The following MAP2 variants were observed in gnomAD, a reference collection of about 807,000 sequenced individuals.
MAP2 encodes the protein microtubule associated protein 2, also known as microtubule-associated protein 2.
A neutral mutation model predicts 137.6 loss-of-function variants in MAP2; 14 were observed. That is an observed-to-expected ratio of 0.10 (90% CI 0.07 to 0.16). The LOEUF is 0.16. Ranked by LOEUF, MAP2 falls within the 10% of genes least tolerant of loss-of-function variation. The pLI is 1.00. For synonymous variants in MAP2, 786 were observed against 782.3 expected, an observed-to-expected ratio of 1.00 and a Z score of -0.08; for missense variants, 2,088 against 2,191.5, an observed-to-expected ratio of 0.95 and a Z score of 0.94.
At chr2:209,670,674 A>G (rs1300865516) in intron 5 of MAP2, among the ~76,000 whole-genome samples, 1 of 150,286 alleles carries the variant, frequency 6.7e-6, no homozygotes, top group African/African-American at 2.5e-5. Flanking sequence ...AGGTAGAGGA[A>G]AAAAAAGAGC....
At chr2:209,700,218 C>T (rs1301500049) in intron 10 of MAP2, 59 bp from the exon 11 acceptor site, 4 of 1,400,436 alleles carry the variant, frequency 2.9e-6, no homozygotes, top group African/African-American at 2.8e-5. Flanking sequence ...GTATTTAAAA[C>T]TGCATTTATG....
chr2:209,650,261 T>C (rs2094696595), intron 4 of MAP2, among the ~76,000 whole-genome samples: 1 of 152,206 alleles, frequency 6.6e-6, no homozygotes, highest in Non-Finnish European at 1.5e-5. Flanking sequence ...GGGATGTTAA[T>C]AAATACGGTG....
At chr2:209,456,330 C>T (rs1701530869) in intron 1 of MAP2, among the ~76,000 whole-genome samples, 1 of 152,090 alleles carries the variant, frequency 6.6e-6, no homozygotes, top group Non-Finnish European at 1.5e-5. Flanking sequence ...TGTTCTAAAC[C>T]TTCATTTTAC....
At chr2:209,707,066 C>T (rs1214259199) in intron 12 of MAP2, among the ~76,000 whole-genome samples, 1 of 152,044 alleles carries the variant, frequency 6.6e-6, no homozygotes, top group Non-Finnish European at 1.5e-5. Context: ...TAATTAATAA[C>T]CCCAAGGATG....
intron 2 of MAP2, among the ~76,000 whole-genome samples, chr2:209,523,194 A>C (rs2063528608): frequency 6.6e-6 from 1 of 151,894 alleles, no homozygotes. Context: ...CTCACTGTGC[A>C]CTCCCATAAC....
chr2:209,450,828 C>G (rs1173696469), intron 1 of MAP2, among the ~76,000 whole-genome samples: 1 of 151,944 alleles, frequency 6.6e-6, no homozygotes, highest in African/African-American at 2.4e-5. Context: ...CTCAGTGTAG[C>G]TTATTAAAAT....
chr2:209,556,339 C>T (rs566620455), intron 2 of MAP2, among the ~76,000 whole-genome samples: 1 of 152,212 alleles, frequency 6.6e-6, no homozygotes, highest in East Asian at 1.9e-4. Context: ...CCACTGCATC[C>T]CGCCCCAGGC....
At chr2:209,585,240 G>T (rs2077407088) in intron 3 of MAP2, among the ~76,000 whole-genome samples, 1 of 150,540 alleles carries the variant, frequency 6.6e-6, no homozygotes. Context: ...AAGAATTAAA[G>T]TTGAATGAAG....
chr2:209,488,047 A>G (rs1027176911), intron 1 of MAP2, among the ~76,000 whole-genome samples: 1 of 152,210 alleles, frequency 6.6e-6, no homozygotes, highest in Non-Finnish European at 1.5e-5. Flanking sequence ...CAGAGAGACC[A>G]GCGCAGAAGG....
intron 3 of MAP2, among the ~76,000 whole-genome samples, chr2:209,586,713 G>A (rs2153420127): frequency 6.6e-6 from 1 of 152,270 alleles, no homozygotes; most frequent in Admixed American, 6.5e-5. Flanking sequence ...CTCAGAGTCA[G>A]TAGGTCTAAA....
At chr2:209,614,730 A>G (rs1407832927) in intron 3 of MAP2, among the ~76,000 whole-genome samples, 1 of 152,174 alleles carries the variant, frequency 6.6e-6, no homozygotes, top group Non-Finnish European at 1.5e-5. Flanking sequence ...TTTGGGGAGG[A>G]AGAAAAGATA....
Position 209,463,003 on chromosome 2 carries a change from A to C in MAP2, c.-222+38727A>C, listed in dbSNP as rs1703217403. ...ATAATGCACACACACACACACGTGC[A>C]CACAAATACGTGCACACACACATGC... On this transcript the variant is annotated intron_variant, in intron 1 of 15. Coordinates refer to ENST00000682079, the MANE Select transcript of MAP2 (RefSeq NM_001375505.1). Among the ~76,000 whole-genome samples the C allele has an allele frequency of 3.3e-5, 5 of 152,204 alleles. No individual in the cohort carries two copies. In the South Asian group the frequency reaches 1.0e-3, roughly 32 times the overall value.
At chr2:209,425,824 A>G (rs1692410741) in intron 1 of MAP2, among the ~76,000 whole-genome samples, 1 of 152,194 alleles carries the variant, frequency 6.6e-6, no homozygotes, top group African/African-American at 2.4e-5. Flanking sequence ...GCCCTTTAGA[A>G]TGCTTTTAAT....
intron 2 of MAP2, among the ~76,000 whole-genome samples, chr2:209,519,034 G>A (rs7561732): frequency 2.6e-5 from 4 of 151,802 alleles, no homozygotes; most frequent in East Asian, 3.9e-4. Flanking sequence ...ACAGGGAGAC[G>A]GATTAATTAA....
intron 10 of MAP2, 45 bp downstream of exon 10, chr2:209,697,096 A>T: frequency 6.9e-7 from 1 of 1,441,208 alleles, no homozygotes; most frequent in Non-Finnish European, 9.2e-7. Context: ...ATAGACATGT[A>T]TTTTTTTTTT....
rs189981704 is a variant in MAP2 at position 209,668,281 on chromosome 2, G to A, written c.263-10291G>A. 3.5e-3 allele frequency among the ~76,000 whole-genome samples: 538 copies of A among 152,054 alleles called. 3 individuals are homozygous for A. The highest frequency in any genetic ancestry group is 0.012 in the African/African-American group (510 of 41,508). ...TGGTATCAATGAGAAGCAATACAGT[G>A]GAGAGATGCAGCTATAGAAATTGAC... is the stretch of plus-strand genomic sequence containing the variant. On this transcript the variant is annotated intron_variant, in intron 5 of 15. Transcript: ENST00000682079.
At chr2:209,686,160 C>G (rs577231515) in intron 7 of MAP2, among the ~76,000 whole-genome samples, 1 of 152,292 alleles carries the variant, frequency 6.6e-6, no homozygotes, top group South Asian at 2.1e-4. Flanking sequence ...ATCTGCTCAG[C>G]TGCGAAATCG....
intron 1 of MAP2, among the ~76,000 whole-genome samples, chr2:209,432,800 T>A (rs935836075): frequency 6.6e-6 from 1 of 152,118 alleles, no homozygotes. Context: ...GTACAGGGAA[T>A]AAAACCACCT....
chr2:209,582,986 C>A (rs887445165), intron 3 of MAP2, among the ~76,000 whole-genome samples: 1 of 152,000 alleles, frequency 6.6e-6, no homozygotes, highest in Non-Finnish European at 1.5e-5. Flanking sequence ...ATATTAAACA[C>A]TAAATTTTAC....
Sources: gnomAD v4.1 joint callset for allele counts (sites outside exome capture counted in the v4.1 genomes callset) on GRCh38, gnomAD v4.1.1 for gene constraint, MANE v1.5 for transcripts, NCBI Gene and HGNC (gene_info 2026-07-23, HGNC 2026-07-21) for gene names.